The following MAP2K2 variants were observed in gnomAD, a reference collection of about 807,000 sequenced individuals.
The protein encoded by MAP2K2 is dual specificity mitogen-activated protein kinase kinase 2.
Under a neutral mutation model 43.7 loss-of-function variants are expected in MAP2K2, and 24 were observed. The ratio of observed to expected loss-of-function variants is 0.55; its 90% CI spans 0.40 to 0.77. The LOEUF is 0.77. Among genes scored for constraint, MAP2K2 ranks in the 30% least tolerant of loss-of-function variants. The probability of loss-of-function intolerance (pLI) is 0.00; values close to 1 mark genes in which losing one functional copy is unlikely to be tolerated. For synonymous variants in MAP2K2, 244 were observed against 239.7 expected (o/e 1.02, Z -0.17); for missense variants, 470 against 566.8 (o/e 0.83, Z 1.73).
At chr19:4,116,348 C>T (rs764506684) in intron 2 of MAP2K2, among the ~76,000 whole-genome samples, 4 of 151,412 alleles carry the variant, frequency 2.6e-5, no homozygotes, top group South Asian at 2.1e-4. Flanking sequence ...CTGGCCAACA[C>T]GGTGAACCCC....
chr19:4,111,546 G>A (rs1352869569), intron 2 of MAP2K2, among the ~76,000 whole-genome samples: 2 of 152,138 alleles, frequency 1.3e-5, no homozygotes, highest in Non-Finnish European at 2.9e-5. Flanking sequence ...AGCCGCGGGC[G>A]CCCCTGAGAA....
In MAP2K2 at chr19:4,095,203, G is replaced by C. The variant is rs535587972; in HGVS notation, c.1046+185C>G. 6.7e-6 allele frequency: 4 copies of C among 592,966 alleles called. No individual in the cohort carries two copies. The African/African-American group carries it at 7.4e-5, about 11-fold the overall frequency. 36.7% of individuals were successfully genotyped at this position (592,966 alleles called of 1,614,324 possible). A position where few individuals can be genotyped will look rare whatever the true frequency, so the allele number is the denominator to read the frequency against. ...CTGGGCTCACGGACAGGATGGCATG[G>C]CAGCCGGGAGCTGCAGCCCCACAGC... On this transcript the variant is annotated intron_variant, in intron 9 of 10. Coordinates refer to ENST00000262948, the MANE Select transcript of MAP2K2 (RefSeq NM_030662.4).
intron 9 of MAP2K2, 103 bp from the exon 10 acceptor site, chr19:4,094,601 G>C (rs1433501599): frequency 1.8e-6 from 2 of 1,092,996 alleles, no homozygotes; most frequent in African/African-American, 3.1e-5. Flanking sequence ...GGTCGGAGGG[G>C]GCCTGGATCT....
intron 1 of MAP2K2, among the ~76,000 whole-genome samples, chr19:4,122,761 A>G (rs1470934277): frequency 6.7e-6 from 1 of 148,544 alleles, no homozygotes; most frequent in Non-Finnish European, 1.5e-5. Flanking sequence ...CTATTCAGGG[A>G]CCGTTCACCC....
chr19:4,090,548 A>G lies in MAP2K2; in HGVS notation c.*50T>C, dbSNP rs2040844881. 1 of 1,436,662 alleles carries G rather than the reference A, an allele frequency of 7.0e-7. No homozygotes were observed. The highest frequency in any genetic ancestry group is 1.4e-5 in the African/African-American group (1 of 70,728). The allele number at this position is 1,436,662 out of a possible 1,614,324, so 89.0% of individuals were successfully genotyped here. A position where few individuals can be genotyped will look rare whatever the true frequency, so the allele number is the denominator to read the frequency against. On this transcript the variant is annotated 3_prime_UTR_variant, in exon 11 of 11. Coordinates refer to ENST00000262948, the MANE Select transcript of MAP2K2 (RefSeq NM_030662.4). ...CCTCAGCTGGAAGGGCGGGGCATGG[A>G]CAGGGACGGTGGGCAGGTCACCAGC...
At chr19:4,098,540 T>G (rs2040953464) in intron 7 of MAP2K2, among the ~76,000 whole-genome samples, 1 of 152,186 alleles carries the variant, frequency 6.6e-6, no homozygotes, top group East Asian at 1.9e-4. Flanking sequence ...CCTGTGATTC[T>G]GCACCAAGCA....
At position 4,110,581 on chromosome 19, in the gene MAP2K2, G is replaced by A. The variant is rs1292103424; in HGVS notation, c.378C>T (p.Asn126=). Residue 126 remains asparagine, a synonymous_variant, in exon 3 of 11, where the codon AAC becomes AAT. Transcript: ENST00000262948. The part of the protein sequence containing the change: ...IRELQVLHEC[N]SPYIVGFYGA... Reference sequence around the variant, plus strand: ...CGTAGAAGCCCACGATGTACGGCGAGTTGCATTCGTGCAGGACCTGCAGCT... The same window carrying A: ...CGTAGAAGCCCACGATGTACGGCGAATTGCATTCGTGCAGGACCTGCAGCT... The A allele has an allele frequency of 6.2e-7, 1 of 1,613,938 alleles. No homozygotes were observed. The highest frequency in any genetic ancestry group is 1.3e-5 in the African/African-American group (1 of 74,944).
intron 8 of MAP2K2, among the ~76,000 whole-genome samples, chr19:4,095,885 C>T (rs1311676734): frequency 3.9e-5 from 6 of 152,244 alleles, no homozygotes; most frequent in Non-Finnish European, 7.3e-5. Context: ...AGGGATTCTC[C>T]AGCCTCAGCC....
intron 7 of MAP2K2, among the ~76,000 whole-genome samples, chr19:4,097,632 G>A (rs1032183357): frequency 2.6e-5 from 4 of 152,168 alleles, no homozygotes; most frequent in Admixed American, 6.5e-5. Context: ...CTTGCCGGAC[G>A]TGCCAAAGTC....
chr19:4,098,627 G>T (rs941977635), intron 7 of MAP2K2, among the ~76,000 whole-genome samples: 2 of 152,154 alleles, frequency 1.3e-5, no homozygotes, highest in Non-Finnish European at 2.9e-5. Context: ...GGGAGCTCCC[G>T]CTCCCGAGGT....
At chr19:4,111,399 A>G (rs2041152243) in intron 2 of MAP2K2, among the ~76,000 whole-genome samples, 3 of 152,186 alleles carry the variant, frequency 2.0e-5, no homozygotes, top group Admixed American at 2.0e-4. Flanking sequence ...TCAGACTTTG[A>G]CAAAGTGCTT....
chr19:4,122,087 C>G (rs547167631), intron 1 of MAP2K2, among the ~76,000 whole-genome samples: 2 of 139,728 alleles, frequency 1.4e-5, no homozygotes, highest in Non-Finnish European at 3.1e-5. Flanking sequence ...AAGGACCGCT[C>G]CCCGCCCCCC....
At position 4,101,163 on chromosome 19, in the gene MAP2K2, G is replaced by A. The variant is rs1057523179; in HGVS notation, c.581-20C>T. 1 of 1,604,670 alleles carries A rather than the reference G, an allele frequency of 6.2e-7. No homozygotes were observed. Among genetic ancestry groups the A allele is most frequent in the African/African-American group, 1.3e-5 (1 of 74,836 alleles). ...TCACATCTGGAGGCGGCAGGCTGCG[G>A]GTGAGGGGCGCCCAACAGTTGCCTG... is the stretch of plus-strand genomic sequence containing the variant. On this transcript the variant is annotated intron_variant, in intron 5 of 10. Transcript: ENST00000262948. The surrounding 1 kb of genome is among the most constrained non-coding windows in gnomAD (Gnocchi z 6.3).
intron 2 of MAP2K2, 62 bp from the exon 3 acceptor site, chr19:4,110,717 G>A (rs2145070692): frequency 1.3e-6 from 2 of 1,572,524 alleles, no homozygotes; most frequent in South Asian, 1.1e-5. Flanking sequence ...GAAGGCATTT[G>A]GGGCCTCTGC....
chr19:4,110,422 A>T (rs1599300061), intron 3 of MAP2K2, 87 bp downstream of exon 3: 1 of 1,547,412 alleles, frequency 6.5e-7, no homozygotes, highest in African/African-American at 1.4e-5. Flanking sequence ...GCCTCTGAGG[A>T]AAGGGGCCGT....
chr19:4,117,838 G>A (rs1054450732), intron 1 of MAP2K2, among the ~76,000 whole-genome samples: 1 of 152,180 alleles, frequency 6.6e-6, no homozygotes, highest in Non-Finnish European at 1.5e-5. Context: ...CGGGAACTGA[G>A]GACGCTGCCT....
At chr19:4,104,729 C>T (rs560316158) in intron 3 of MAP2K2, 1 of 152,350 alleles carries the variant, frequency 6.6e-6, no homozygotes, top group Non-Finnish European at 1.5e-5. Flanking sequence ...AAGAGCCTCT[C>T]CCCGGAGATG....
At chr19:4,110,473 A>AGGCCCTGCCCCT (rs938581264) in intron 3 of MAP2K2, 36 bp downstream of exon 3, 8 of 1,610,052 alleles carry the variant, frequency 5.0e-6, no homozygotes, top group Non-Finnish European at 5.1e-6. Context: ...TGTTCCGTGG[A>AGGCCCTGCCCCT]GGCCCTGCCC....
chr19:4,108,638 TC>T (rs1452212912), intron 3 of MAP2K2, among the ~76,000 whole-genome samples: 1 of 152,004 alleles, frequency 6.6e-6, no homozygotes, highest in Non-Finnish European at 1.5e-5. Flanking sequence ...CTGTGTGGTG[TC>T]CCCTGGGGTG....
Sources: gnomAD v4.1 joint callset for allele counts (sites outside exome capture counted in the v4.1 genomes callset) on GRCh38, gnomAD v4.1.1 for gene constraint, Gnocchi (gnomAD v3.1) non-coding constraint, MANE v1.5 for transcripts, NCBI Gene and HGNC (gene_info 2026-07-23, HGNC 2026-07-21) for gene names.